Variants in GPHN observed in about 807,000 individuals in gnomAD.
GPHN encodes the protein gephyrin.
GPHN carries 17 observed loss-of-function variants against 95.5 expected under a neutral mutation model. That is an observed-to-expected ratio of 0.18 (90% CI 0.12 to 0.27). GPHN has a LOEUF of 0.27. Among genes scored for constraint, GPHN ranks in the 10% least tolerant of loss-of-function variants. The probability of loss-of-function intolerance (pLI) is 1.00; values close to 1 mark genes in which losing one functional copy is unlikely to be tolerated. For synonymous variants in GPHN, 320 were observed against 322.5 expected (o/e 0.99, Z 0.08); for missense variants, 660 against 978.1 (o/e 0.67, Z 4.34).
At chr14:66,604,322 A>G (rs1362252422) in intron 1 of GPHN, among the ~76,000 whole-genome samples, 1 of 152,092 alleles carries the variant, frequency 6.6e-6, no homozygotes, top group East Asian at 1.9e-4. Flanking sequence ...ATTGAAGATT[A>G]TTTTCCAAAG....
the GPHN span, chr14:67,569,203 T>C: frequency 6.2e-7 from 1 of 1,611,060 alleles, no homozygotes; most frequent in South Asian, 1.1e-5. Flanking sequence ...CCAGAAGTAA[T>C]ACTGCATGCT....
At chr14:67,498,661 T>C in the GPHN span, among the ~76,000 whole-genome samples, 222 of 152,274 alleles carry the variant, frequency 1.5e-3, 2 homozygotes, top group Middle Eastern at 0.014. Flanking sequence ...CAATGTGTTT[T>C]GTTGTTGTTG....
At chr14:66,925,476 G>A (rs941345593) in intron 8 of GPHN, among the ~76,000 whole-genome samples, 3 of 151,836 alleles carry the variant, frequency 2.0e-5, no homozygotes, top group Non-Finnish European at 2.9e-5. Flanking sequence ...CTTTATCTCC[G>A]TGAGTTCAAT....
intron 9 of GPHN, among the ~76,000 whole-genome samples, chr14:66,974,701 T>C (rs2070093568): frequency 6.6e-6 from 1 of 152,168 alleles, no homozygotes; most frequent in Admixed American, 6.5e-5. Flanking sequence ...AAAAAGTTCT[T>C]ATAAAATACC....
At chr14:67,469,082 T>C in the GPHN span, among the ~76,000 whole-genome samples, 8 of 152,158 alleles carry the variant, frequency 5.3e-5, no homozygotes, top group African/African-American at 1.7e-4. Context: ...TATGCTAACA[T>C]GTAAATGACT....
the GPHN span, among the ~76,000 whole-genome samples, chr14:67,340,945 G>A: frequency 6.6e-6 from 1 of 152,220 alleles, no homozygotes; most frequent in East Asian, 1.9e-4. Flanking sequence ...CGAGGTGCCG[G>A]GATTGCAGAT....
chr14:67,412,952 T>TA, the GPHN span, among the ~76,000 whole-genome samples: 1 of 152,070 alleles, frequency 6.6e-6, no homozygotes, highest in South Asian at 2.1e-4. Flanking sequence ...TTCGTAGAGA[T>TA]AGGGTGTTGC....
the GPHN span, chr14:67,727,006 C>A: frequency 6.2e-7 from 1 of 1,613,074 alleles, no homozygotes; most frequent in Middle Eastern, 1.9e-4. Flanking sequence ...CCTACCTGCT[C>A]CTGGAGCGGC....
chr14:66,856,126 C>T (rs564548403), intron 4 of GPHN, among the ~76,000 whole-genome samples: 56 of 152,160 alleles, frequency 3.7e-4, no homozygotes, highest in Non-Finnish European at 5.6e-4. Flanking sequence ...GTAAAATATG[C>T]GAGGCCTTAT....
At chr14:67,690,026 AG>A in the GPHN span, 12 of 576,982 alleles carry the variant, frequency 2.1e-5, no homozygotes, top group Admixed American at 6.0e-5. Flanking sequence ...TCAAAGTCAG[AG>A]TCTCACTGTC....
At chr14:67,228,682 G>C in the GPHN span, 1 of 152,062 alleles carries the variant, frequency 6.6e-6, no homozygotes, top group Non-Finnish European at 1.5e-5. Context: ...TTATGGATGG[G>C]GTTTCTTTTC....
intron 11 of GPHN, among the ~76,000 whole-genome samples, chr14:67,086,149 A>G (rs2076873886): frequency 1.3e-5 from 2 of 152,152 alleles, no homozygotes; most frequent in African/African-American, 2.4e-5. Flanking sequence ...ATTATTGTGG[A>G]TAATGTTGTG....
intron 5 of GPHN, among the ~76,000 whole-genome samples, chr14:66,906,650 G>A (rs921278595): frequency 2.6e-5 from 4 of 152,130 alleles, no homozygotes; most frequent in African/African-American, 9.7e-5. Context: ...GTTTCCTGTT[G>A]AGAGGAGTGA....
At chr14:67,297,913 G>T in the GPHN span, among the ~76,000 whole-genome samples, 2 of 152,184 alleles carry the variant, frequency 1.3e-5, no homozygotes, top group South Asian at 4.1e-4. Context: ...TAGATCAAAT[G>T]TTCAGTCTTA....
intron 18 of GPHN, among the ~76,000 whole-genome samples, chr14:67,149,945 A>G (rs1390495717): frequency 1.3e-5 from 2 of 152,174 alleles, no homozygotes; most frequent in African/African-American, 4.8e-5. Flanking sequence ...TAATTTCTAT[A>G]TAATTAATAA....
At chr14:67,709,146 T>C in the GPHN span, among the ~76,000 whole-genome samples, 673 of 152,302 alleles carry the variant, frequency 4.4e-3, 35 homozygotes, top group East Asian at 0.1. Context: ...TATAGTTTGA[T>C]TTTGGAAAGT....
At chr14:67,433,039 G>A in the GPHN span, among the ~76,000 whole-genome samples, 1,840 of 152,258 alleles carry the variant, frequency 0.012, 15 homozygotes, top group Middle Eastern at 0.02. Flanking sequence ...ATTCAACGTA[G>A]TCCTCTCTGT....
the GPHN span, among the ~76,000 whole-genome samples, chr14:67,504,234 G>A: frequency 2.7e-5 from 4 of 150,686 alleles, no homozygotes; most frequent in Admixed American, 2.0e-4. Flanking sequence ...GGTTGGTCTC[G>A]GACTTCTGAC....
At chr14:67,206,264 C>T in the GPHN span, among the ~76,000 whole-genome samples, 2 of 151,998 alleles carry the variant, frequency 1.3e-5, no homozygotes, top group African/African-American at 4.8e-5. Context: ...TTTGGGAGAC[C>T]GAGGCGGGCA....
Sources: allele counts gnomAD v4.1 joint callset (sites outside exome capture counted in the v4.1 genomes callset), GRCh38; gene constraint gnomAD v4.1.1; transcripts MANE v1.5; gene names NCBI Gene and HGNC (gene_info 2026-07-23, HGNC 2026-07-21).